Variants in PIP5K1C observed in about 807,000 individuals in gnomAD.
The protein encoded by PIP5K1C is phosphatidylinositol 4-phosphate 5-kinase type-1 gamma.
A neutral mutation model predicts 80.1 loss-of-function variants in PIP5K1C; 45 were observed. That is an observed-to-expected ratio of 0.56 (90% CI 0.44 to 0.72). The LOEUF is 0.72. Among genes scored for constraint, PIP5K1C ranks in the 30% least tolerant of loss-of-function variants. The pLI, the probability that PIP5K1C is intolerant of heterozygous loss-of-function variation, is 0.00. For synonymous variants in PIP5K1C, 498 were observed against 420.1 expected (o/e 1.19, Z -2.27); for missense variants, 753 against 954.6 (o/e 0.79, Z 2.78).
intron 17 of PIP5K1C, 61 bp from the exon 18 acceptor site, chr19:3,633,230 C>T: frequency 1.4e-6 from 1 of 731,214 alleles, no homozygotes; most frequent in South Asian, 1.5e-5. Flanking sequence ...AGGCCCCCTG[C>T]CAGGGACTGG....
chr19:3,692,496 AG>A lies in PIP5K1C; in HGVS notation c.94+7800del, dbSNP rs527244160. Among the ~76,000 whole-genome samples the A allele has an allele frequency of 1.5e-3, 234 of 152,202 alleles. 1 individual carries two copies. The South Asian group carries it at 0.018, about 11-fold the overall frequency. ...TTGATTTCAAACTCAATCCCCCCTC[AG>A]CCCCACACTCAACCTTCAAAAGGTC... On this transcript the variant is annotated intron_variant, in intron 1 of 17. Transcript: ENST00000335312. This position sits in a 1 kb window ranked among gnomAD's most constrained non-coding sequence, Gnocchi z 5.2.
At chr19:3,660,370 ACT>A (rs1278719312) in intron 5 of PIP5K1C, among the ~76,000 whole-genome samples, 1 of 148,150 alleles carries the variant, frequency 6.7e-6, no homozygotes, top group Admixed American at 6.7e-5. Flanking sequence ...ACAGAGCGAG[ACT>A]CTGTCTCGAA....
intron 1 of PIP5K1C, among the ~76,000 whole-genome samples, chr19:3,679,782 G>C (rs1019728550): frequency 6.6e-5 from 10 of 152,232 alleles, no homozygotes; most frequent in African/African-American, 2.4e-4. Flanking sequence ...AGGACCTGCA[G>C]GGTTGGAGGG....
intron 17 of PIP5K1C, 48 bp from the exon 18 acceptor site, chr19:3,633,217 C>A: frequency 1.3e-6 from 1 of 744,748 alleles, no homozygotes. Context: ...GAGGGCCCAC[C>A]CCAGGCCCCC....
intron 16 of PIP5K1C, 54 bp downstream of exon 16, chr19:3,638,830 G>GT: frequency 6.2e-7 from 1 of 1,609,478 alleles, no homozygotes; most frequent in African/African-American, 1.3e-5. Context: ...TGGAGCGTGT[G>GT]TGAGAGAGAG....
At chr19:3,671,660 C>T (rs927577445) in intron 1 of PIP5K1C, among the ~76,000 whole-genome samples, 3 of 152,174 alleles carry the variant, frequency 2.0e-5, no homozygotes, top group African/African-American at 4.8e-5. Flanking sequence ...CAGGCAGGAA[C>T]GGGCAGCAAG....
At chr19:3,697,075 C>A (rs999575249) in intron 1 of PIP5K1C, among the ~76,000 whole-genome samples, 96 of 139,698 alleles carry the variant, frequency 6.9e-4, no homozygotes, top group South Asian at 1.2e-3. Context: ...CGAGCTGGAC[C>A]AAGGAGGACC....
intron 5 of PIP5K1C, among the ~76,000 whole-genome samples, chr19:3,658,772 AAC>A (rs1191508136): frequency 1.3e-5 from 2 of 152,234 alleles, no homozygotes; most frequent in Non-Finnish European, 2.9e-5. Flanking sequence ...TTGTACAAAG[AAC>A]ACCGATGACA....
intron 12 of PIP5K1C, 90 bp from the exon 13 acceptor site, chr19:3,643,471 A>T (rs966021138): frequency 1.8e-5 from 28 of 1,529,830 alleles, no homozygotes; most frequent in Non-Finnish European, 2.4e-5. Flanking sequence ...CACCCTGGGA[A>T]CCCACAGCCC....
chr19:3,652,029 G>T lies in PIP5K1C; in HGVS notation c.924C>A (p.Val308=). 6.2e-7 allele frequency: 1 copy of T among 1,613,060 alleles called. No homozygotes were observed. Among genetic ancestry groups the T allele is most frequent in the South Asian group, 1.1e-5 (1 of 91,066 alleles). ...AGTCCATGATCTTGAAACTTTCCAGGACCTGGCGGGATCGGGCAGGAACAC... is the reference window on the plus strand; with the variant it reads ...AGTCCATGATCTTGAAACTTTCCAGTACCTGGCGGGATCGGGCAGGAACAC... ...LVKTLQRDCL[V]LESFKIMDYS... Residue 308 remains valine, a splice_region_variant and synonymous_variant, in exon 8 of 18, where the codon GTC becomes GTA. Coordinates refer to ENST00000335312, the MANE Select transcript of PIP5K1C (RefSeq NM_012398.3).
Position 3,651,986 on chromosome 19 carries a change from C to T in PIP5K1C, c.967G>A (p.Val323Met), listed in dbSNP as rs776284056. ...CGCTCGTGCTGGTCGATGTTGTGCA[C>T]GCCCAGCAGCAGGCTGTAGTCCATG... is the stretch of plus-strand genomic sequence containing the variant. ...KIMDYSLLLGVHNIDQHERER... is the reference protein window; with the variant it reads ...KIMDYSLLLGMHNIDQHERER... The change falls in exon 8 of 18, where the codon GTG becomes ATG. Residue 323 changes from valine (V) to methionine (M), a missense_variant. By Grantham distance (21) the Val-to-Met change is conservative (BLOSUM62 1). Transcript: ENST00000335312. 7.4e-6 allele frequency: 12 copies of T among 1,613,056 alleles called. No homozygotes were observed. Among genetic ancestry groups the T allele is most frequent in the Admixed American group, 6.7e-5 (4 of 60,000 alleles).
intron 5 of PIP5K1C, among the ~76,000 whole-genome samples, chr19:3,658,378 G>A (rs2034710222): frequency 6.6e-6 from 1 of 152,212 alleles, no homozygotes; most frequent in Non-Finnish European, 1.5e-5. Flanking sequence ...GATCTGTCCA[G>A]GCCACTGCTG....
chr19:3,661,436 G>A (rs2034830553), intron 4 of PIP5K1C, among the ~76,000 whole-genome samples: 1 of 152,236 alleles, frequency 6.6e-6, no homozygotes, highest in African/African-American at 2.4e-5. Context: ...AAAGGGAAGG[G>A]CTGTTGTTCT....
chr19:3,694,876 G>A (rs1219253641), intron 1 of PIP5K1C, among the ~76,000 whole-genome samples: 2 of 152,174 alleles, frequency 1.3e-5, no homozygotes, highest in East Asian at 1.9e-4. Context: ...AACGCAGCCC[G>A]GCTCTGGGCT....
chr19:3,661,764 G>C, intron 4 of PIP5K1C, 107 bp downstream of exon 4: 1 of 1,383,702 alleles, frequency 7.2e-7, no homozygotes. Context: ...GGCGCCAGGA[G>C]GGGCCAGGTG....
intron 5 of PIP5K1C, among the ~76,000 whole-genome samples, chr19:3,657,394 G>A (rs1415783121): frequency 1.3e-5 from 2 of 152,190 alleles, no homozygotes; most frequent in African/African-American, 4.8e-5. Flanking sequence ...GTGTGCATGG[G>A]GCTAAGGCCA....
intron 8 of PIP5K1C, among the ~76,000 whole-genome samples, chr19:3,651,429 C>G (rs1599961059): frequency 6.6e-6 from 1 of 152,322 alleles, no homozygotes; most frequent in Non-Finnish European, 1.5e-5. Flanking sequence ...TGCTGTGAGC[C>G]CTGCCTCGCC....
chr19:3,664,965 G>T (rs754948100), intron 2 of PIP5K1C, 51 bp from the exon 3 acceptor site: 1 of 1,401,268 alleles, frequency 7.1e-7, no homozygotes. Context: ...ACGCCCACCG[G>T]GACAGGGCAC....
intron 1 of PIP5K1C, among the ~76,000 whole-genome samples, chr19:3,697,502 C>CGGGG (rs1491293863): frequency 1.2e-4 from 18 of 150,916 alleles, no homozygotes; most frequent in Non-Finnish European, 2.1e-4. Flanking sequence ...CGAGCTGGAC[C>CGGGG]AGGGAGGACC....
Sources: allele counts gnomAD v4.1 joint callset (sites outside exome capture counted in the v4.1 genomes callset), GRCh38; gene constraint gnomAD v4.1.1; non-coding constraint Gnocchi (gnomAD v3.1); transcripts MANE v1.5; gene names NCBI Gene and HGNC (gene_info 2026-07-23, HGNC 2026-07-21).